Variants in PCDHA12 observed in about 807,000 individuals in gnomAD.
PCDHA12 encodes protocadherin alpha 12.
A neutral mutation model predicts 60.0 loss-of-function variants in PCDHA12; 44 were observed. The ratio of observed to expected loss-of-function variants is 0.73; its 90% CI spans 0.58 to 0.94. PCDHA12 has a LOEUF of 0.94. Ranked by LOEUF, PCDHA12 falls within the 40% of genes least tolerant of loss-of-function variation. The pLI is 0.00. For missense variants in PCDHA12, 1,276 were observed against 1,239.7 expected (o/e 1.03, Z -0.44); for synonymous variants, 569 against 553.0 (o/e 1.03, Z -0.40).
chr5:140,877,033 C>A lies in PCDHA12; in HGVS notation c.1561C>A (p.Gln521Lys). ...HAESGKVYAL[Q>K]PLDHEELELL... Reference sequence around the variant, plus strand: ...GGAGAGCGGCAAGGTGTACGCGCTGCAGCCGCTAGACCACGAGGAGCTGGA... The same window carrying A: ...GGAGAGCGGCAAGGTGTACGCGCTGAAGCCGCTAGACCACGAGGAGCTGGA... The change falls in exon 1 of 4, where the codon CAG becomes AAG. Residue 521 changes from glutamine to lysine, a missense_variant. By Grantham distance (53) the Gln-to-Lys change is moderately conservative. Coordinates refer to ENST00000398631, the MANE Select transcript of PCDHA12 (RefSeq NM_018903.4). 6.2e-7 allele frequency: 1 copy of A among 1,612,480 alleles called. No homozygotes were observed. Among genetic ancestry groups the A allele is most frequent in the East Asian group, 2.2e-5 (1 of 44,862 alleles).
chr5:140,893,862 C>T (rs1376548113), intron 1 of PCDHA12, among the ~76,000 whole-genome samples: 1 of 152,158 alleles, frequency 6.6e-6, no homozygotes, highest in East Asian at 1.9e-4. Flanking sequence ...TGTATAGAAA[C>T]AACCCAGATC....
chr5:140,969,354 T>G, intron 1 of PCDHA12: 1 of 1,612,552 alleles, frequency 6.2e-7, no homozygotes. Context: ...TCAGGGGGTC[T>G]TCTACAAACT....
At chr5:140,987,681 G>A (rs1554249426) in intron 3 of PCDHA12, among the ~76,000 whole-genome samples, 2 of 152,184 alleles carry the variant, frequency 1.3e-5, no homozygotes, top group Non-Finnish European at 2.9e-5. Context: ...TTAGTAAATA[G>A]TAGCTATTTT....
At chr5:140,933,338 G>T (rs2089065952) in intron 1 of PCDHA12, among the ~76,000 whole-genome samples, 1 of 151,926 alleles carries the variant, frequency 6.6e-6, no homozygotes, top group South Asian at 2.1e-4. Context: ...TGTAGAGAAA[G>T]ATAAACACTT....
At chr5:140,979,704 T>C (rs1430662594) in intron 2 of PCDHA12, among the ~76,000 whole-genome samples, 1 of 152,246 alleles carries the variant, frequency 6.6e-6, no homozygotes, top group Non-Finnish European at 1.5e-5. Context: ...TTTCTGGAGG[T>C]GATCCAGTAT....
chr5:140,981,033 GA>G (rs148859655), intron 2 of PCDHA12, among the ~76,000 whole-genome samples: 2 of 151,612 alleles, frequency 1.3e-5, no homozygotes, highest in Admixed American at 6.6e-5. Flanking sequence ...AATATTTGGG[GA>G]AAAAAAACAG....
chr5:140,922,158 A>G (rs1318778340), intron 1 of PCDHA12, among the ~76,000 whole-genome samples: 1 of 149,104 alleles, frequency 6.7e-6, no homozygotes, highest in South Asian at 2.2e-4. Flanking sequence ...CATCAAAAAC[A>G]ACAAAAAGTA....
In PCDHA12 at chr5:140,951,110, T is replaced by A. The variant is rs1230697929; in HGVS notation, c.2368-27839T>A. Reference sequence around the variant, plus strand: ...TTTTTCTGATAAGATTTCCTTTATTTTCATTCCTTACCAATAAGTTTTCCT... The same window carrying A: ...TTTTTCTGATAAGATTTCCTTTATTATCATTCCTTACCAATAAGTTTTCCT... On this transcript the variant is annotated intron_variant, in intron 1 of 3. Transcript: ENST00000398631. Among the ~76,000 whole-genome samples, 5 of 150,004 alleles carry A rather than the reference T, an allele frequency of 3.3e-5. No homozygotes were observed. The East Asian group carries it at 9.8e-4, about 29-fold the overall frequency.
rs576672267 is a variant in PCDHA12 at position 140,878,151 on chromosome 5, T to G, written c.2367+312T>G. 31 of 178,298 alleles carry G rather than the reference T, an allele frequency of 1.7e-4. No individual in the cohort carries two copies. The Middle Eastern group carries it at 7.4e-3, about 42-fold the overall frequency. The allele number at this position is 178,298 out of a possible 1,614,324, so 11.0% of individuals were successfully genotyped here. On this transcript the variant is annotated intron_variant, in intron 1 of 3. Coordinates refer to ENST00000398631, the MANE Select transcript of PCDHA12 (RefSeq NM_018903.4). Reference sequence around the variant, plus strand: ...AAAAGTGGCCAGATGTTTGATAACTTAAAAATTTAATTTGTTCATAATTTC... The same window carrying G: ...AAAAGTGGCCAGATGTTTGATAACTGAAAAATTTAATTTGTTCATAATTTC...
rs1455444799 is a variant in PCDHA12, at chr5:140,876,953, T to C, written c.1481T>C (p.Leu494Pro). Residue 494 changes from leucine (L) to proline (P), a missense_variant, in exon 1 of 4, where the codon CTG becomes CCG. Coordinates refer to ENST00000398631, the MANE Select transcript of PCDHA12 (RefSeq NM_018903.4). ...AQKNALVSYS[L>P]VERRVGEHAL... ...AAGAACGCGCTGGTGTCCTACTCGCTGGTGGAGCGGCGGGTGGGCGAGCAC... is the reference window on the plus strand; with the variant it reads ...AAGAACGCGCTGGTGTCCTACTCGCCGGTGGAGCGGCGGGTGGGCGAGCAC... The C allele has an allele frequency of 1.1e-5, 17 of 1,613,306 alleles. No homozygotes were observed. Among genetic ancestry groups the C allele is most frequent in the Non-Finnish European group, 1.4e-5 (17 of 1,179,866 alleles).
rs2057339151 is a variant in PCDHA12, at chr5:140,877,789, A to G, written c.2317A>G (p.Ser773Gly). 6.2e-7 allele frequency: 1 copy of G among 1,613,954 alleles called. No individual in the cohort carries two copies. Among genetic ancestry groups the G allele is most frequent in the Non-Finnish European group, 8.5e-7 (1 of 1,179,986 alleles). The part of the protein sequence containing the change: ...SPPKTDLMAF[S>G]PSLQLSREDC... Reference sequence around the variant, plus strand: ...GCCCAAGACGGACCTCATGGCCTTCAGCCCAAGCCTTCAGCTGTCTCGAGA... The same window carrying G: ...GCCCAAGACGGACCTCATGGCCTTCGGCCCAAGCCTTCAGCTGTCTCGAGA... Residue 773 changes from serine (S) to glycine (G), a missense_variant, in exon 1 of 4, where the codon AGC (serine) becomes GGC (glycine). Physicochemically the swap from Ser to Gly is moderately conservative, Grantham distance 56. Transcript: ENST00000398631.
chr5:140,876,227 C>T lies in PCDHA12; in HGVS notation c.755C>T (p.Ser252Phe), dbSNP rs782218758. ...AAGCCCAGCTATAAAGTAGTGTTGTCTGAAAATGTCCAAAACGACACAAGA... is the reference window on the plus strand; with the variant it reads ...AAGCCCAGCTATAAAGTAGTGTTGTTTGAAAATGTCCAAAACGACACAAGA... ...FDKPSYKVVL[S>F]ENVQNDTRVI... Residue 252 changes from serine (S) to phenylalanine (F), a missense_variant, in exon 1 of 4, where the codon TCT becomes TTT. Transcript: ENST00000398631. The T allele has an allele frequency of 2.5e-6, 4 of 1,613,794 alleles. No homozygotes were observed. Among genetic ancestry groups the T allele is most frequent in the South Asian group, 2.2e-5 (2 of 91,080 alleles).
At chr5:140,940,994 G>A (rs1375374431) in intron 1 of PCDHA12, among the ~76,000 whole-genome samples, 1 of 152,094 alleles carries the variant, frequency 6.6e-6, no homozygotes, top group Non-Finnish European at 1.5e-5. Context: ...AAGTTTATAG[G>A]ATTAAATTTT....
intron 1 of PCDHA12, among the ~76,000 whole-genome samples, chr5:140,886,246 A>G (rs1337527671): frequency 1.3e-5 from 2 of 152,144 alleles, no homozygotes; most frequent in Admixed American, 1.3e-4. Flanking sequence ...AAATAAATAA[A>G]AGTATCTCTA....
At chr5:140,987,268 C>T (rs190952772) in intron 3 of PCDHA12, among the ~76,000 whole-genome samples, 177 of 151,894 alleles carry the variant, frequency 1.2e-3, no homozygotes, top group African/African-American at 4.1e-3. Flanking sequence ...GAATGGGACC[C>T]GGCAGTCTAT....
At chr5:140,880,582 A>G (rs2058391478) in intron 1 of PCDHA12, among the ~76,000 whole-genome samples, 1 of 152,230 alleles carries the variant, frequency 6.6e-6, no homozygotes, top group South Asian at 2.1e-4. Flanking sequence ...GAAGAGAGGA[A>G]AGAGAATATG....
chr5:140,899,259 G>C (rs2067235630), intron 1 of PCDHA12, among the ~76,000 whole-genome samples: 1 of 152,126 alleles, frequency 6.6e-6, no homozygotes, highest in African/African-American at 2.4e-5. Context: ...GGGCATCCCT[G>C]TCTTGTGGCA....
chr5:140,942,518 G>A (rs2093312014), intron 1 of PCDHA12, among the ~76,000 whole-genome samples: 1 of 151,908 alleles, frequency 6.6e-6, no homozygotes, highest in Non-Finnish European at 1.5e-5. Flanking sequence ...ACTCAGAGGG[G>A]AAGCAACTAA....
chr5:140,914,126 G>T (rs2076615202), intron 1 of PCDHA12, among the ~76,000 whole-genome samples: 1 of 152,132 alleles, frequency 6.6e-6, no homozygotes, highest in Non-Finnish European at 1.5e-5. Context: ...ATGTTTCTTT[G>T]TTGAGTTTTT....
Sources: gnomAD v4.1 joint callset for allele counts (sites outside exome capture counted in the v4.1 genomes callset) on GRCh38, gnomAD v4.1.1 for gene constraint, MANE v1.5 for transcripts, NCBI Gene and HGNC (gene_info 2026-07-23, HGNC 2026-07-21) for gene names.